The following CNTN6 variants were observed in gnomAD, a reference collection of about 807,000 sequenced individuals.
CNTN6 encodes the protein contactin 6.
CNTN6 carries 137 observed loss-of-function variants against 122.8 expected under a neutral mutation model. That is an observed-to-expected ratio of 1.12 (90% CI 0.97 to 1.29). CNTN6 has a LOEUF of 1.29. Ranked by LOEUF, CNTN6 falls within the 50% of genes most tolerant of loss-of-function variation. The pLI is 0.00. For synonymous variants in CNTN6, 570 were observed against 426.0 expected (o/e 1.34, Z -4.16); for missense variants, 1,634 against 1,223.4 (o/e 1.34, Z -5.01).
chr3:1,300,277 C>A (rs972518749), intron 7 of CNTN6, among the ~76,000 whole-genome samples: 1 of 151,992 alleles, frequency 6.6e-6, no homozygotes, highest in Non-Finnish European at 1.5e-5. Context: ...TGAGCCACTG[C>A]GCCGACCGCA....
chr3:1,207,484 T>A (rs1239547049), intron 2 of CNTN6, among the ~76,000 whole-genome samples: 1 of 152,128 alleles, frequency 6.6e-6, no homozygotes, highest in African/African-American at 2.4e-5. Flanking sequence ...GTGCATGTTT[T>A]ATTATCCACT....
chr3:1,358,979 G>C (rs948221459), intron 12 of CNTN6, among the ~76,000 whole-genome samples: 2 of 151,970 alleles, frequency 1.3e-5, no homozygotes, highest in Non-Finnish European at 2.9e-5. Flanking sequence ...AGGATCACTT[G>C]AGCTCAGAAA....
intron 1 of CNTN6, among the ~76,000 whole-genome samples, chr3:1,103,310 A>G (rs2091049389): frequency 6.6e-6 from 1 of 152,164 alleles, no homozygotes; most frequent in South Asian, 2.1e-4. Context: ...AGCCCTATAT[A>G]TAAATTTACC....
Position 1,278,409 on chromosome 3 carries a change from C to G in CNTN6, c.359-4C>G. ...TATAAATCTGCTTTTCTTTGTTTTC[C>G]AAGATATTGAAGACTTTGAAACTAA... On this transcript the variant is annotated splice_polypyrimidine_tract_variant and splice_region_variant and intron_variant, in intron 4 of 22. Transcript: ENST00000446702. The G allele has an allele frequency of 1.3e-6, 2 of 1,568,452 alleles. No individual in the cohort carries two copies. The highest frequency in any genetic ancestry group is 1.7e-6 in the Non-Finnish European group (2 of 1,150,032).
rs1693192088 is a variant in CNTN6 at position 1,280,467 on chromosome 3, T to TTTTTTC, written c.454+1964_454+1965insCTTTTT. Among the ~76,000 whole-genome samples, 3 of 123,178 alleles carry TTTTTTC rather than the reference T, an allele frequency of 2.4e-5. No homozygotes were observed. The Admixed American group carries it at 2.4e-4, about 10-fold the overall frequency. 80.8% of individuals were successfully genotyped at this position (123,178 alleles called of 152,430 possible). Reference sequence around the variant, plus strand: ...AAACTTGTGTAATACCAATTTTTTTTTTTTTTTTTTTTTTTGTGATAGCAT... The same window carrying TTTTTTC: ...AAACTTGTGTAATACCAATTTTTTTTTTTTTCTTTTTTTTTTTTTTTGTGATAGCAT... On this transcript the variant is annotated intron_variant, in intron 5 of 22. Coordinates refer to ENST00000446702, the MANE Select transcript of CNTN6 (RefSeq NM_001289080.2).
chr3:1,287,102 A>C (rs1694477197), intron 5 of CNTN6, among the ~76,000 whole-genome samples: 1 of 152,006 alleles, frequency 6.6e-6, no homozygotes, highest in African/African-American at 2.4e-5. Context: ...AGAAACTTAG[A>C]CTCCCACACA....
chr3:1,227,667 T>C, intron 3 of CNTN6, 151 bp from the exon 4 acceptor site: 1 of 769,992 alleles, frequency 1.3e-6, no homozygotes, highest in Non-Finnish European at 2.1e-6. Context: ...CCAAGACAGC[T>C]ACCTTTGGTA....
intron 7 of CNTN6, among the ~76,000 whole-genome samples, chr3:1,302,891 T>A (rs1433554828): frequency 3.3e-5 from 5 of 152,158 alleles, no homozygotes; most frequent in Admixed American, 2.0e-4. Flanking sequence ...TTACATTATC[T>A]TTTATGCCAT....
At chr3:1,402,626 G>C (rs1169053232) in intron 22 of CNTN6, 140 bp downstream of exon 22, 1 of 647,878 alleles carries the variant, frequency 1.5e-6, no homozygotes, top group Admixed American at 3.3e-5. Flanking sequence ...AAGGTGATGA[G>C]CCATTTTTTT....
chr3:1,159,317 C>G (rs1281063702), intron 2 of CNTN6, among the ~76,000 whole-genome samples: 2 of 151,886 alleles, frequency 1.3e-5, no homozygotes, highest in South Asian at 4.2e-4. Flanking sequence ...AGGTGGGTAG[C>G]ATACACAGCG....
chr3:1,378,009 G>T (rs1197500627), intron 17 of CNTN6, among the ~76,000 whole-genome samples: 1 of 152,104 alleles, frequency 6.6e-6, no homozygotes, highest in Non-Finnish European at 1.5e-5. Context: ...CCTTGGTGCA[G>T]ACCCAACTGG....
intron 7 of CNTN6, among the ~76,000 whole-genome samples, chr3:1,298,825 C>T (rs73093209): frequency 6.6e-6 from 1 of 152,006 alleles, no homozygotes; most frequent in African/African-American, 2.4e-5. Context: ...TTCTTGTAAA[C>T]AGAACATACT....
intron 5 of CNTN6, among the ~76,000 whole-genome samples, chr3:1,293,279 T>G (rs77880920): frequency 0.046 from 6,986 of 152,086 alleles, 226 homozygotes; most frequent in African/African-American, 0.072. Flanking sequence ...ATTTCTTCCT[T>G]CCTAAAATCT....
intron 5 of CNTN6, among the ~76,000 whole-genome samples, chr3:1,293,889 A>G (rs564039593): frequency 6.6e-6 from 1 of 152,336 alleles, no homozygotes; most frequent in South Asian, 2.1e-4. Context: ...TATATTCACC[A>G]AGCTTTAATA....
chr3:1,155,090 G>A (rs921987822), intron 2 of CNTN6, among the ~76,000 whole-genome samples: 1 of 152,114 alleles, frequency 6.6e-6, no homozygotes, highest in South Asian at 2.1e-4. Flanking sequence ...GTAAGTAGTA[G>A]CTTATCCCAC....
rs766909657 is a variant in CNTN6, at chr3:1,321,684, G to A, written c.796G>A (p.Gly266Arg). The change falls in exon 8 of 23, where the codon GGG becomes AGG. Residue 266 changes from glycine (G) to arginine (R), a missense_variant. Gly to Arg is a moderately radical substitution (Grantham distance 125). Transcript: ENST00000446702. ...CGATATTAGTTGGAGAAGGTTGGAC[G>A]GGAGCCCGTTGCCAGGGAAAGTCAA... ...VPDISWRRLDGSPLPGKVKYS... is the reference protein window; with the variant it reads ...VPDISWRRLDRSPLPGKVKYS... The A allele has an allele frequency of 3.7e-5, 60 of 1,611,270 alleles. No homozygotes were observed. The Admixed American group carries it at 9.2e-4, about 25-fold the overall frequency.
At chr3:1,402,271 T>C in intron 21 of CNTN6, 47 bp from the exon 22 acceptor site, 1 of 1,525,148 alleles carries the variant, frequency 6.6e-7, no homozygotes, top group Non-Finnish European at 9.0e-7. Context: ...GTGTGAACCT[T>C]AGAAAAGCAA....
intron 2 of CNTN6, among the ~76,000 whole-genome samples, chr3:1,203,230 A>C (rs925563022): frequency 6.6e-5 from 10 of 152,222 alleles, no homozygotes; most frequent in Non-Finnish European, 1.5e-4. Context: ...ACACAGGCAA[A>C]ACAAAAACAA....
intron 11 of CNTN6, among the ~76,000 whole-genome samples, chr3:1,349,005 C>T (rs973783492): frequency 2.6e-5 from 4 of 151,792 alleles, no homozygotes; most frequent in African/African-American, 9.7e-5. Flanking sequence ...TTTTCGCATC[C>T]CCATTGTAAC....
Sources: gnomAD v4.1 joint callset for allele counts (sites outside exome capture counted in the v4.1 genomes callset) on GRCh38, gnomAD v4.1.1 for gene constraint, MANE v1.5 for transcripts, NCBI Gene and HGNC (gene_info 2026-07-23, HGNC 2026-07-21) for gene names.